Variants in OR13A1 observed in about 807,000 individuals in gnomAD.
OR13A1 encodes the protein olfactory receptor 13A1.
OR13A1 carries 10 observed loss-of-function variants against 7.5 expected under a neutral mutation model. The observed-to-expected ratio is 1.34, with a 90% CI of 0.83 to 2.27. The LOEUF (loss-of-function observed/expected upper bound fraction) is 2.27, where lower values mean the gene tolerates loss of function less well. Ranked by LOEUF, OR13A1 falls within the 30% of genes most tolerant of loss-of-function variation. The probability of loss-of-function intolerance (pLI) is 0.00; values close to 1 mark genes in which losing one functional copy is unlikely to be tolerated. For missense variants in OR13A1, 509 were observed against 419.1 expected (o/e 1.21, Z -1.87); for synonymous variants, 238 against 177.9 (o/e 1.34, Z -2.69).
chr10:45,302,322 A>C (rs951230264), downstream of OR13A1: 11 of 152,230 alleles, frequency 7.2e-5, no homozygotes, highest in Admixed American at 2.6e-4. Context: ...TGTTTATTGG[A>C]AAGTGAGACC....
At chr10:45,305,303 C>T (rs557978342) in intron 3 of OR13A1, among the ~76,000 whole-genome samples, 2 of 151,470 alleles carry the variant, frequency 1.3e-5, no homozygotes, top group South Asian at 2.1e-4. Context: ...ACAATAGGAT[C>T]TCATTTTTAA....
intron 1 of OR13A1, among the ~76,000 whole-genome samples, chr10:45,308,146 T>C (rs1838373898): frequency 1.3e-5 from 2 of 152,364 alleles, no homozygotes; most frequent in African/African-American, 2.4e-5. Context: ...GCATTTCTAT[T>C]GTAGACATGC....
Position 45,305,306 on chromosome 10 carries a change from AT to A in OR13A1, c.-12-873del, listed in dbSNP as rs909084401. On this transcript the variant is annotated intron_variant, in intron 3 of 3. Transcript: ENST00000553795. ...AAAATAATGTGTACAATAGGATCTC[AT>A]TTTTAAAAAAAAAATTAAAAAAGCA... 2.5e-4 allele frequency among the ~76,000 whole-genome samples: 38 copies of A among 152,050 alleles called. No homozygotes were observed. The East Asian group carries it at 6.6e-3, about 26-fold the overall frequency.
intron 3 of OR13A1, among the ~76,000 whole-genome samples, chr10:45,305,322 T>A (rs541805707): frequency 1.3e-5 from 2 of 151,644 alleles, no homozygotes; most frequent in South Asian, 2.1e-4. Flanking sequence ...AAAAAAAAAA[T>A]TAAAAAAGCA....
rs773995966 is a variant in OR13A1, at chr10:45,304,087, G to C, written c.336C>G (p.Tyr112Ter). ...AATAGAGCTGGGCCATGCAGCCCCC[G>C]TAGGAGATGGAGCTCTCTTCCGACA... ...SLVSEESSIS[Y>*]GGCMAQLYFL... The change falls in exon 4 of 4, where the codon TAC (tyrosine) becomes TAG (stop). Residue 112 changes from tyrosine (Y) to a stop codon, truncating the protein, a stop_gained. Coordinates refer to ENST00000553795, the MANE Select transcript of OR13A1 (RefSeq NM_001004297.3). LOFTEE classifies it high-confidence loss of function. 3 of 1,613,984 alleles carry C rather than the reference G, an allele frequency of 1.9e-6. No individual in the cohort carries two copies. The highest frequency in any genetic ancestry group is 3.3e-5 in the Admixed American group (2 of 59,994).
In OR13A1 at chr10:45,303,135, C is replaced by T. The variant is rs1838241787; in HGVS notation, c.*301G>A. On this transcript the variant is annotated 3_prime_UTR_variant, in exon 4 of 4. Coordinates refer to ENST00000553795, the MANE Select transcript of OR13A1 (RefSeq NM_001004297.3). ...TACAAAAGGAAAATGTTTGATGTGG[C>T]TATGAGTTGAAAACACAAGGAACAC... 1.2e-5 allele frequency: 4 copies of T among 321,474 alleles called. No homozygotes were observed. The highest frequency in any genetic ancestry group is 1.7e-5 in the Non-Finnish European group (3 of 176,028). 19.9% of individuals were successfully genotyped at this position (321,474 alleles called of 1,614,324 possible).
At chr10:45,304,505 A>C (rs184722204) in intron 3 of OR13A1, 71 bp from the exon 4 acceptor site, 1 of 1,307,902 alleles carries the variant, frequency 7.6e-7, no homozygotes. Context: ...ACATCACTGC[A>C]TGAAAGATAG....
chr10:45,307,843 T>G (rs1350407219), intron 1 of OR13A1, 35 bp from the exon 2 acceptor site: 6 of 152,208 alleles, frequency 3.9e-5, no homozygotes, highest in Non-Finnish European at 7.3e-5. Context: ...GGATTACATT[T>G]ATCACTTTAA....
At chr10:45,305,419 A>G (rs1000906165) in intron 3 of OR13A1, among the ~76,000 whole-genome samples, 5 of 152,250 alleles carry the variant, frequency 3.3e-5, no homozygotes, top group Non-Finnish European at 7.3e-5. Context: ...ACCTGTAGGA[A>G]AAACACTGGT....
rs377102950 is a variant in OR13A1 at position 45,303,916 on chromosome 10, G to C, written c.507C>G (p.Leu169=). ...TGTGGATGGCCGTGTTGACGGCGCA[G>C]AGCAGCCACACGGCTGTGGCCAGCC... is the stretch of plus-strand genomic sequence containing the variant. ...CSGLATAVWL[L]CAVNTAIHTG... The change falls in exon 4 of 4, where the codon CTC becomes CTG. Residue 169 remains leucine, a synonymous_variant. Coordinates refer to ENST00000553795, the MANE Select transcript of OR13A1 (RefSeq NM_001004297.3). 1.9e-6 allele frequency: 3 copies of C among 1,613,500 alleles called. No homozygotes were observed. The African/African-American group carries it at 4.0e-5, about 22-fold the overall frequency.
At chr10:45,314,664 A>T (rs1232331736) in intron 1 of OR13A1, among the ~76,000 whole-genome samples, 1 of 152,116 alleles carries the variant, frequency 6.6e-6, no homozygotes, top group Non-Finnish European at 1.5e-5. Context: ...AAATTAACAA[A>T]TGCTTAGCTA....
chr10:45,309,973 G>A (rs986307486), intron 1 of OR13A1, among the ~76,000 whole-genome samples: 7 of 152,058 alleles, frequency 4.6e-5, no homozygotes, highest in East Asian at 1.9e-4. Context: ...GAATTTTTGC[G>A]GGGACTAAAT....
rs1273813776 is a variant in OR13A1 at position 45,303,459 on chromosome 10, G to C, written c.964C>G (p.Leu322Val). 7 of 1,595,490 alleles carry C rather than the reference G, an allele frequency of 4.4e-6. No individual in the cohort carries two copies. The African/African-American group carries it at 8.1e-5, about 18-fold the overall frequency. Residue 322 changes from leucine (L) to valine (V), a missense_variant, in exon 4 of 4, where the codon CTT (leucine) becomes GTT (valine). By Grantham distance (32) the Leu-to-Val change is conservative. Transcript: ENST00000553795. The part of the protein sequence containing the change: ...NKEVKAALRK[L>V]FPFFRN ...AGTTAATTTCTGAAGAAAGGGAAAA[G>C]CTTCCTGAGGGCTGCTTTGACCTCC...
chr10:45,307,534 A>C lies in OR13A1; in HGVS notation c.-121T>G, dbSNP rs537377462. 1.8e-4 allele frequency: 28 copies of C among 152,346 alleles called. No homozygotes were observed. Among genetic ancestry groups the C allele is most frequent in the African/African-American group, 6.5e-4 (27 of 41,594 alleles). 9.4% of individuals were successfully genotyped at this position (152,346 alleles called of 1,614,324 possible). ...ATCCTCTTTCCATGAGAATGACCAC[A>C]AGATTTCTTTACAGCCTCAGCCAGT... On this transcript the variant is annotated 5_prime_UTR_variant, in exon 3 of 4. Coordinates refer to ENST00000553795, the MANE Select transcript of OR13A1 (RefSeq NM_001004297.3).
At chr10:45,311,276 T>C (rs1283772555) in intron 1 of OR13A1, among the ~76,000 whole-genome samples, 2 of 152,192 alleles carry the variant, frequency 1.3e-5, no homozygotes, top group African/African-American at 2.4e-5. Context: ...TCCCAACATA[T>C]TATCTTGGGC....
In OR13A1 at chr10:45,303,586, G is replaced by A; in HGVS notation, c.837C>T (p.Ser279=). 1 of 1,614,120 alleles carries A rather than the reference G, an allele frequency of 6.2e-7. No homozygotes were observed. The highest frequency in any genetic ancestry group is 8.5e-7 in the Non-Finnish European group (1 of 1,180,024). Reference sequence around the variant, plus strand: ...TCCCTGCGCTGTAGCCAGAGACCGGGCTTATGTAGGCGTAGAAGACAGCGG... The same window carrying A: ...TCCCTGCGCTGTAGCCAGAGACCGGACTTATGTAGGCGTAGAAGACAGCGG... ...YYTAVFYAYI[S]PVSGYSAGKS... Residue 279 remains serine (S), a synonymous_variant, in exon 4 of 4, where the codon AGC becomes AGT. Transcript: ENST00000553795.
intron 3 of OR13A1, among the ~76,000 whole-genome samples, chr10:45,306,782 C>T (rs569972643): frequency 1.2e-4 from 18 of 152,254 alleles, no homozygotes; most frequent in Non-Finnish European, 2.1e-4. Context: ...TGATGGTGTT[C>T]CATCTGTGTA....
chr10:45,309,260 T>C (rs891624567), intron 1 of OR13A1, among the ~76,000 whole-genome samples: 2 of 152,142 alleles, frequency 1.3e-5, no homozygotes, highest in Non-Finnish European at 2.9e-5. Flanking sequence ...CTGCTATCCA[T>C]GGAAGGCGAG....
Position 45,304,005 on chromosome 10 carries a change from G to T in OR13A1, c.418C>A (p.Arg140=), listed in dbSNP as rs376781877. 1 of 1,612,540 alleles carries T rather than the reference G, an allele frequency of 6.2e-7. No individual in the cohort carries two copies. The highest frequency in any genetic ancestry group is 8.5e-7 in the Non-Finnish European group (1 of 1,179,002). Residue 140 remains arginine, a synonymous_variant, in exon 4 of 4, where the codon CGG becomes AGG. Coordinates refer to ENST00000553795, the MANE Select transcript of OR13A1 (RefSeq NM_001004297.3). The part of the protein sequence containing the change: ...LLLLTVMAYD[R]YAAICHPLHY... ...AGCGGGTGGCAGATGGCTGCGTACC[G>T]GTCATAGGCCATGACCGTGAGGAGC... is the stretch of plus-strand genomic sequence containing the variant.
Sources: allele counts gnomAD v4.1 joint callset (sites outside exome capture counted in the v4.1 genomes callset), GRCh38; gene constraint gnomAD v4.1.1; transcripts MANE v1.5; gene names NCBI Gene and HGNC (gene_info 2026-07-23, HGNC 2026-07-21).